The following ASL variants were observed in gnomAD, a reference collection of about 807,000 sequenced individuals.
The protein encoded by ASL is argininosuccinate lyase.
A neutral mutation model predicts 69.1 loss-of-function variants in ASL; 51 were observed. The observed-to-expected ratio is 0.74, with a 90% CI of 0.59 to 0.93. The LOEUF (loss-of-function observed/expected upper bound fraction) is 0.93. ASL is among the 40% of genes least tolerant of loss of function. The pLI is 0.00. For missense variants in ASL, 540 were observed against 623.9 expected (o/e 0.87, Z 1.43); for synonymous variants, 241 against 247.6 (o/e 0.97, Z 0.25).
chr7:66,092,001 C>T lies in ASL; in HGVS notation c.1063-5C>T, dbSNP rs748005629. On this transcript the variant is annotated splice_polypyrimidine_tract_variant and splice_region_variant and intron_variant, in intron 14 of 16. Transcript: ENST00000304874. ...GGCTCACCACTCGCCCACCTGTGCC[C>T]CCAGATTCACCAAGAGAACATGGGA... 2 of 1,613,408 alleles carry T rather than the reference C, an allele frequency of 1.2e-6. No individual in the cohort carries two copies. Among genetic ancestry groups the T allele is most frequent in the South Asian group, 2.2e-5 (2 of 91,074 alleles).
Position 66,092,436 on chromosome 7 carries a change from A to G in ASL, c.1144-121A>G, listed in dbSNP as rs1305419171. The G allele has an allele frequency of 8.5e-5, 84 of 993,364 alleles. 1 individual carries two copies. The South Asian group carries it at 1.1e-3, about 14-fold the overall frequency. The allele number at this position is 993,364 out of a possible 1,614,324, so 61.5% of individuals were successfully genotyped here. On this transcript the variant is annotated intron_variant, in intron 15 of 16. Transcript: ENST00000304874. The stretch of plus-strand genomic sequence containing the variant: ...GCGCCACTGCACTCCAGCCTGGGCA[A>G]CAGAGCGAGACTTTGTGTCAAAAAG...
intron 10 of ASL, 95 bp downstream of exon 10, chr7:66,087,886 C>T: frequency 1.3e-6 from 2 of 1,506,486 alleles, no homozygotes; most frequent in East Asian, 2.3e-5. Context: ...CACGGACAGG[C>T]TGGTTGTGGT....
intron 12 of ASL, 43 bp from the exon 13 acceptor site, chr7:66,089,233 G>GT (rs1786768695): frequency 6.2e-7 from 1 of 1,611,330 alleles, no homozygotes; most frequent in East Asian, 2.2e-5. Flanking sequence ...GGCCAGGGGG[G>GT]CAGGATCCCG....
chr7:66,086,511 C>A, intron 6 of ASL, 74 bp from the exon 7 acceptor site: 2 of 1,516,406 alleles, frequency 1.3e-6, no homozygotes, highest in East Asian at 2.3e-5. Flanking sequence ...GTGACCCAGG[C>A]CTGCAGGGTT....
Position 66,087,339 on chromosome 7 carries a change from C to T in ASL, c.608C>T (p.Ala203Val), listed in dbSNP as rs770720936. ...ATGAATCCCTGTCCCTGCAGTGGGG[C>T]CATTGCAGGCAATCCCCTGGGTGTG... is the stretch of plus-strand genomic sequence containing the variant. ...RINVLPLGSG[A>V]IAGNPLGVDR... The change falls in exon 9 of 17, where the codon GCC (alanine) becomes GTC (valine). Residue 203 changes from alanine to valine, a missense_variant. Ala to Val is a moderately conservative substitution (Grantham distance 64). Transcript: ENST00000304874. The T allele has an allele frequency of 6.2e-7, 1 of 1,604,856 alleles. No individual in the cohort carries two copies. Among genetic ancestry groups the T allele is most frequent in the Admixed American group, 1.7e-5 (1 of 59,932 alleles).
chr7:66,088,267 G>T (rs1786728027), intron 10 of ASL, among the ~76,000 whole-genome samples: 1 of 151,892 alleles, frequency 6.6e-6, no homozygotes, highest in Non-Finnish European at 1.5e-5. Context: ...GATCACATGA[G>T]GTCAGGAGTT....
chr7:66,076,024 G>C lies in ASL; in HGVS notation c.-43-15G>C. Reference sequence around the variant, plus strand: ...TGCTGGCCAAGGAGGTCGTCAGTCCGGTCTTGTCTTCCAGACCCGGAGGAC... The same window carrying C: ...TGCTGGCCAAGGAGGTCGTCAGTCCCGTCTTGTCTTCCAGACCCGGAGGAC... On this transcript the variant is annotated splice_polypyrimidine_tract_variant and intron_variant, in intron 1 of 16. Transcript: ENST00000304874. 6.4e-7 allele frequency: 1 copy of C among 1,571,020 alleles called. No homozygotes were observed. The highest frequency in any genetic ancestry group is 1.7e-4 in the Middle Eastern group (1 of 5,866).
chr7:66,082,585 G>C, intron 4 of ASL, 134 bp downstream of exon 4: 1 of 1,092,482 alleles, frequency 9.2e-7, no homozygotes, highest in Non-Finnish European at 1.4e-6. Flanking sequence ...CATGAGCCAG[G>C]CACCCTGGCT....
At chr7:66,083,561 G>A (rs1310693147) in intron 6 of ASL, among the ~76,000 whole-genome samples, 1 of 152,030 alleles carries the variant, frequency 6.6e-6, no homozygotes, top group East Asian at 1.9e-4. Context: ...GTGTGCGCCT[G>A]TAATCCCAGC....
rs369828060 is a variant in ASL, at chr7:66,088,806, G to C, written c.719-1G>C. On this transcript the variant is annotated splice_acceptor_variant, in intron 10 of 16. Transcript: ENST00000304874. LOFTEE classifies it high-confidence loss of function. ...TGGTGACTGGGAACCTTTTCTCCCA[G>C]CCGAGTTCCTGTTCTGGGCTTCGCT... 1 of 1,612,196 alleles carries C rather than the reference G, an allele frequency of 6.2e-7. No homozygotes were observed. Among genetic ancestry groups the C allele is most frequent in the East Asian group, 2.2e-5 (1 of 44,866 alleles).
chr7:66,084,343 A>G (rs1372016560), intron 6 of ASL, among the ~76,000 whole-genome samples: 1 of 151,442 alleles, frequency 6.6e-6, no homozygotes, highest in Non-Finnish European at 1.5e-5. Flanking sequence ...TATTTTTTTC[A>G]GTAGAGATGG....
intron 13 of ASL, 53 bp from the exon 14 acceptor site, chr7:66,089,559 C>A (rs1176388155): frequency 1.9e-6 from 3 of 1,595,586 alleles, no homozygotes; most frequent in Admixed American, 1.7e-5. Context: ...GCTGTGGGGA[C>A]CCTGGGTGCC....
chr7:66,082,241 C>A (rs187671721), intron 3 of ASL, 127 bp from the exon 4 acceptor site: 10 of 1,133,468 alleles, frequency 8.8e-6, no homozygotes, highest in Non-Finnish European at 1.2e-5. Context: ...TCCCAGGGTG[C>A]GCTTCCAGGA....
At chr7:66,083,241 G>A in intron 6 of ASL, 67 bp downstream of exon 6, 3 of 1,557,678 alleles carry the variant, frequency 1.9e-6, no homozygotes, top group Non-Finnish European at 2.6e-6. Context: ...GGAGACCTAG[G>A]GGGCAGGGGT....
At chr7:66,080,819 G>A (rs1281408140) in intron 2 of ASL, among the ~76,000 whole-genome samples, 1 of 152,196 alleles carries the variant, frequency 6.6e-6, no homozygotes, top group Non-Finnish European at 1.5e-5. Context: ...TAGAAGGCCA[G>A]TGACAATGGG....
chr7:66,087,547 G>A, intron 9 of ASL, 161 bp downstream of exon 9: 1 of 1,009,384 alleles, frequency 9.9e-7, no homozygotes, highest in Non-Finnish European at 1.5e-6. Context: ...GGTCACTCAT[G>A]GCAGGGATGC....
In ASL at chr7:66,089,891, CAG is replaced by C. The variant is rs375685548; in HGVS notation, c.1062+197_1062+198del. 2.2e-3 allele frequency among the ~76,000 whole-genome samples: 328 copies of C among 152,220 alleles called. 2 individuals are homozygous for C. Among genetic ancestry groups the C allele is most frequent in the African/African-American group, 7.7e-3 (320 of 41,532 alleles). On this transcript the variant is annotated intron_variant, in intron 14 of 16. Coordinates refer to ENST00000304874, the MANE Select transcript of ASL (RefSeq NM_000048.4). The stretch of plus-strand genomic sequence containing the variant: ...CCATGCAGTGGAAGTAGATGAGACT[CAG>C]GGGGCCTGGGGCCTGTCAAATGGCC...
intron 10 of ASL, 29 bp downstream of exon 10, chr7:66,087,820 C>T (rs1786715555): frequency 1.2e-6 from 2 of 1,613,696 alleles, no homozygotes; most frequent in Non-Finnish European, 1.7e-6. Context: ...GTCCCCTGCC[C>T]TGTGCCTCAC....
chr7:66,089,609 C>T lies in ASL; in HGVS notation c.979-3C>T, dbSNP rs748972501. 1.2e-5 allele frequency: 20 copies of T among 1,613,466 alleles called. No individual in the cohort carries two copies. The highest frequency in any genetic ancestry group is 5.0e-5 in the Admixed American group (3 of 59,982). On this transcript the variant is annotated splice_region_variant and splice_polypyrimidine_tract_variant and intron_variant, in intron 13 of 16. Coordinates refer to ENST00000304874, the MANE Select transcript of ASL (RefSeq NM_000048.4). ...CCCTCACCTCCTGCCATGTGCCTCC[C>T]AGGAGGACAAGGAAGCTGTGTTTGA...
Sources: allele counts gnomAD v4.1 joint callset (sites outside exome capture counted in the v4.1 genomes callset), GRCh38; gene constraint gnomAD v4.1.1; transcripts MANE v1.5; gene names NCBI Gene and HGNC (gene_info 2026-07-23, HGNC 2026-07-21).